Variants in TNK2 observed in about 807,000 individuals in gnomAD.
TNK2 encodes activated CDC42 kinase 1.
In TNK2, 83 loss-of-function variants were observed where a neutral mutation model predicts 101.8. That is an observed-to-expected ratio of 0.82 (90% CI 0.68 to 0.98). The LOEUF (loss-of-function observed/expected upper bound fraction) is 0.98, where lower values mean the gene tolerates loss of function less well. TNK2 is among the 50% of genes least tolerant of loss of function. The pLI is 0.00. For synonymous variants in TNK2, 804 were observed against 633.0 expected (o/e 1.27, Z -4.06); for missense variants, 1,665 against 1,483.2 (o/e 1.12, Z -2.01).
chr3:195,869,028 C>G, intron 12 of TNK2: 1 of 466,574 alleles, frequency 2.1e-6, no homozygotes. Context: ...CGGCCCTGCT[C>G]CTGCGCCCTG....
At position 195,883,195 on chromosome 3, in the gene TNK2, G is replaced by A. The variant is rs755144718; in HGVS notation, c.571C>T (p.Arg191Cys). ...MHSLDHRNLIRLYGVVLTPPM... is the reference protein window; with the variant it reads ...MHSLDHRNLICLYGVVLTPPM... ...GGCGTGAGCACCACCCCGTAGAGGC[G>A]GATGAGGTTTCGGTGGTCGAGCGAG... Residue 191 changes from arginine (R) to cysteine (C), a missense_variant, in exon 5 of 16, where the codon CGC (arginine) becomes TGC (cysteine). Transcript: ENST00000672887. 6.2e-6 allele frequency: 10 copies of A among 1,609,440 alleles called. No homozygotes were observed. Among genetic ancestry groups the A allele is most frequent in the African/African-American group, 2.7e-5 (2 of 74,888 alleles).
In TNK2 at chr3:195,882,960, G is replaced by C. The variant is rs73891165; in HGVS notation, c.609+197C>G. 6.6e-6 allele frequency among the ~76,000 whole-genome samples: 1 copy of C among 152,156 alleles called. No homozygotes were observed. The highest frequency in any genetic ancestry group is 1.5e-5 in the Non-Finnish European group (1 of 68,036). ...TGACACTGAGCACCAGCAAAATCCAGAGACAGACCCGGACTGGACCGCAGC... is the reference window on the plus strand; with the variant it reads ...TGACACTGAGCACCAGCAAAATCCACAGACAGACCCGGACTGGACCGCAGC... On this transcript the variant is annotated intron_variant, in intron 5 of 15. Coordinates refer to ENST00000672887, the MANE Select transcript of TNK2 (RefSeq NM_001382273.1). This position sits in a 1 kb window ranked among gnomAD's most constrained non-coding sequence, Gnocchi z 4.2.
chr3:195,896,104 C>T (rs1478393829), intron 1 of TNK2: 1 of 455,646 alleles, frequency 2.2e-6, no homozygotes, highest in Non-Finnish European at 4.4e-6. Context: ...GCTCAAAAGC[C>T]GCCCAACACA....
At chr3:195,903,735 A>G (rs1383579707) in intron 1 of TNK2, among the ~76,000 whole-genome samples, 2 of 152,144 alleles carry the variant, frequency 1.3e-5, no homozygotes, top group Non-Finnish European at 2.9e-5. Context: ...CAATAACATT[A>G]TACCAGAGGA....
intron 10 of TNK2, chr3:195,870,419 G>C (rs1174624364): frequency 4.3e-6 from 6 of 1,400,970 alleles, no homozygotes. Flanking sequence ...CCCCAGGATG[G>C]AAAGCCTAGG....
At chr3:195,900,795 C>G (rs1039511978) in intron 1 of TNK2, among the ~76,000 whole-genome samples, 3 of 152,208 alleles carry the variant, frequency 2.0e-5, no homozygotes, top group Non-Finnish European at 4.4e-5. Flanking sequence ...AGGATGTGGT[C>G]TAGCTCCCAG....
intron 1 of TNK2, chr3:195,896,124 G>A (rs1760446156): frequency 2.2e-6 from 1 of 455,326 alleles, no homozygotes; most frequent in Non-Finnish European, 4.4e-6. Context: ...AGGCCCACGC[G>A]GGGGTGCCGC....
Position 195,867,691 on chromosome 3 carries a change from G to A in TNK2, c.2607C>T (p.Val869=), listed in dbSNP as rs960592372. Residue 869 remains valine (V), a synonymous_variant, in exon 13 of 16, where the codon GTC becomes GTT. Transcript: ENST00000672887. ...GCAGCAAGTAATAGTGGGTGCTGCT[G>A]ACCTTCTTGCCATCCCGGACGATGG... ...ILPIVRDGKK[V]SSTHYYLLPE... 4.4e-6 allele frequency: 7 copies of A among 1,608,942 alleles called. No individual in the cohort carries two copies. In the Admixed American group the frequency reaches 6.7e-5, roughly 15 times the overall value.
chr3:195,895,993 C>G (rs943415529), intron 1 of TNK2: 6 of 353,730 alleles, frequency 1.7e-5, no homozygotes, highest in Admixed American at 1.6e-4. Context: ...CCCCCGCGGC[C>G]GGTTCCCCGC....
Position 195,866,871 on chromosome 3 carries a change from A to G in TNK2, c.3161+18T>C. ...CCTCCTGGGGCACGGAGCGGGGCAG[A>G]CTGTGGGGCTCACTCACTTGTGGTG... On this transcript the variant is annotated intron_variant, in intron 15 of 15. Transcript: ENST00000672887. 1 of 1,607,940 alleles carries G rather than the reference A, an allele frequency of 6.2e-7. No individual in the cohort carries two copies. The highest frequency in any genetic ancestry group is 8.5e-7 in the Non-Finnish European group (1 of 1,177,850).
intron 1 of TNK2, among the ~76,000 whole-genome samples, chr3:195,903,988 C>T (rs189644488): frequency 2.6e-4 from 40 of 152,204 alleles, no homozygotes; most frequent in Middle Eastern, 3.4e-3. Flanking sequence ...AACAACGGTA[C>T]CATCTCATAA....
At chr3:195,868,898 C>T (rs963300150) in intron 12 of TNK2, 189 bp from the exon 13 acceptor site, 13 of 634,070 alleles carry the variant, frequency 2.1e-5, no homozygotes, top group Admixed American at 1.1e-4. Context: ...ATCAGGAGGG[C>T]GGAACCTGCT....
intron 4 of TNK2, chr3:195,884,090 C>G (rs1754513233): frequency 6.6e-6 from 1 of 152,190 alleles, no homozygotes; most frequent in Admixed American, 6.5e-5. Flanking sequence ...CACACCAGAA[C>G]TGTATGCTGT....
At position 195,886,397 on chromosome 3, in the gene TNK2, C is replaced by A. The variant is rs116823120; in HGVS notation, c.234+580G>T. On this transcript the variant is annotated intron_variant, in intron 3 of 15. Transcript: ENST00000672887. This position sits in a 1 kb window ranked among gnomAD's most constrained non-coding sequence, Gnocchi z 4.2. ...AGCCAGAAGTGGGGAGGAAAGACCACGGCTGGCTCACTTCCTCTCTCATTG... is the reference window on the plus strand; with the variant it reads ...AGCCAGAAGTGGGGAGGAAAGACCAAGGCTGGCTCACTTCCTCTCTCATTG... 0.016 allele frequency: 2,489 copies of A among 152,862 alleles called. 73 individuals are homozygous for A. The highest frequency in any genetic ancestry group is 0.057 in the African/African-American group (2,360 of 41,524). 9.5% of individuals were successfully genotyped at this position (152,862 alleles called of 1,614,324 possible).
At chr3:195,901,752 C>A (rs566295640) in intron 1 of TNK2, among the ~76,000 whole-genome samples, 4 of 152,208 alleles carry the variant, frequency 2.6e-5, no homozygotes, top group Non-Finnish European at 4.4e-5. Context: ...CCCCACTTTA[C>A]AAATATGGAA....
rs756704329 is a variant in TNK2, at chr3:195,867,283, G to A, written c.2938-19C>T. ...CCTGCAGCTGGGCACACCCACCCCT[G>A]TCAGCACCACTAGGGCCCACTGCTC... On this transcript the variant is annotated intron_variant, in intron 13 of 15. Transcript: ENST00000672887. The A allele has an allele frequency of 4.5e-6, 7 of 1,555,194 alleles. No homozygotes were observed. The highest frequency in any genetic ancestry group is 1.1e-5 in the South Asian group (1 of 88,400).
At chr3:195,874,542 G>A (rs541132350) in intron 9 of TNK2, among the ~76,000 whole-genome samples, 17 of 147,884 alleles carry the variant, frequency 1.1e-4, no homozygotes, top group Admixed American at 4.0e-4. Flanking sequence ...ACTCCCCCTC[G>A]GGATGGCGCC....
intron 10 of TNK2, among the ~76,000 whole-genome samples, chr3:195,870,915 GGGTTCTGGTGTGTGGGGGCCCGCTGTGT>G (rs1744693344): frequency 6.7e-6 from 1 of 150,340 alleles, no homozygotes; most frequent in Admixed American, 6.6e-5. Context: ...CCCGCTGTGT[GGGTTCTGGTGTGTGGGGGCCCGCTGTGT>G]GGGTTCTGGT....
In TNK2 at chr3:195,869,783, C is replaced by A. The variant is rs558391958; in HGVS notation, c.1544-242G>T. The A allele has an allele frequency of 5.9e-5, 35 of 593,006 alleles. No individual in the cohort carries two copies. The African/African-American group carries it at 6.1e-4, about 10-fold the overall frequency. The allele number at this position is 593,006 out of a possible 1,614,324, so 36.7% of individuals were successfully genotyped here. On this transcript the variant is annotated intron_variant, in intron 11 of 15. Transcript: ENST00000672887. ...AGGAGGCCCCAGGCAGAGCCGGAGC[C>A]GTGGGGTGGTTTTGGCTTGGGACAG...
Sources: gnomAD v4.1 joint callset for allele counts (sites outside exome capture counted in the v4.1 genomes callset) on GRCh38, gnomAD v4.1.1 for gene constraint, Gnocchi (gnomAD v3.1) non-coding constraint, MANE v1.5 for transcripts, NCBI Gene and HGNC (gene_info 2026-07-23, HGNC 2026-07-21) for gene names.